Variants in SYT1 observed in about 807,000 individuals in gnomAD.
SYT1 encodes synaptotagmin-1.
A neutral mutation model predicts 44.8 loss-of-function variants in SYT1; 8 were observed. That is an observed-to-expected ratio of 0.18 (90% CI 0.10 to 0.32). The LOEUF (loss-of-function observed/expected upper bound fraction) is 0.32, where lower values mean the gene tolerates loss of function less well. SYT1 is among the 10% of genes least tolerant of loss of function. SYT1 has a pLI of 1.00. For synonymous variants in SYT1, 154 were observed against 188.8 expected, an observed-to-expected ratio of 0.82 and a Z score of 1.51; for missense variants, 286 against 509.3, an observed-to-expected ratio of 0.56 and a Z score of 4.22.
intron 3 of SYT1, among the ~76,000 whole-genome samples, chr12:79,130,928 T>C: frequency 6.6e-6 from 1 of 152,068 alleles, no homozygotes; most frequent in East Asian, 1.9e-4. Context: ...ACTATAATAG[T>C]GATATTCAAT....
chr12:79,136,476 G>GC (rs1479039195), intron 3 of SYT1, among the ~76,000 whole-genome samples: 3 of 152,110 alleles, frequency 2.0e-5, no homozygotes, highest in Non-Finnish European at 4.4e-5. Flanking sequence ...AATCCCATAC[G>GC]CATGTGCTGG....
rs372100344 is a variant in SYT1, at chr12:79,292,140, G to A, written c.474+10G>A. The A allele has an allele frequency of 9.3e-6, 15 of 1,607,294 alleles. No individual in the cohort carries two copies. The African/African-American group carries it at 1.3e-4, about 14-fold the overall frequency. On this transcript the variant is annotated intron_variant, in intron 6 of 10. Coordinates refer to ENST00000261205, the MANE Select transcript of SYT1 (RefSeq NM_005639.3). ...TTTCCAAAATAACCAGGTCTGAAGTGGAGAAATGTCTTCTAATTCCATTAC... is the reference window on the plus strand; with the variant it reads ...TTTCCAAAATAACCAGGTCTGAAGTAGAGAAATGTCTTCTAATTCCATTAC...
At chr12:78,962,011 G>A (rs1044898173) in intron 1 of SYT1, among the ~76,000 whole-genome samples, 6 of 151,932 alleles carry the variant, frequency 3.9e-5, no homozygotes, top group South Asian at 2.1e-4. Context: ...CGAATGTATC[G>A]GATTATGTTG....
intron 3 of SYT1, among the ~76,000 whole-genome samples, chr12:79,112,323 G>A (rs1020480242): frequency 1.8e-4 from 28 of 152,072 alleles, no homozygotes; most frequent in Non-Finnish European, 3.1e-4. Context: ...TAAAAGCTAC[G>A]ATGTGGAGAC....
intron 1 of SYT1, among the ~76,000 whole-genome samples, chr12:78,953,432 G>A (rs935929353): frequency 6.6e-6 from 1 of 152,042 alleles, no homozygotes; most frequent in Non-Finnish European, 1.5e-5. Flanking sequence ...CCAGCATAGA[G>A]TGTGGCACAT....
chr12:78,952,144 T>C (rs988717335), intron 1 of SYT1, among the ~76,000 whole-genome samples: 15 of 152,122 alleles, frequency 9.9e-5, no homozygotes, highest in African/African-American at 2.9e-4. Context: ...CACGAAATCC[T>C]GGGCCAAAAT....
intron 3 of SYT1, among the ~76,000 whole-genome samples, chr12:79,102,125 T>C (rs1878479133): frequency 6.6e-6 from 1 of 152,110 alleles, no homozygotes; most frequent in Non-Finnish European, 1.5e-5. Context: ...TATCCCTGCT[T>C]ATTGAACTCC....
chr12:79,414,509 T>A (rs1868616795), intron 9 of SYT1, among the ~76,000 whole-genome samples: 1 of 152,186 alleles, frequency 6.6e-6, no homozygotes, highest in Non-Finnish European at 1.5e-5. Context: ...TTTGGCACAC[T>A]CTGTGTAATC....
At chr12:79,026,239 G>T (rs1872522028) in intron 2 of SYT1, among the ~76,000 whole-genome samples, 1 of 151,452 alleles carries the variant, frequency 6.6e-6, no homozygotes, top group Non-Finnish European at 1.5e-5. Context: ...AACTTGTTGG[G>T]CATAGAAATT....
At chr12:79,019,990 A>G (rs1262799673) in intron 2 of SYT1, among the ~76,000 whole-genome samples, 1 of 151,986 alleles carries the variant, frequency 6.6e-6, no homozygotes, top group Non-Finnish European at 1.5e-5. Context: ...AAACAAAAGT[A>G]GTGTCAATTT....
At chr12:78,967,808 T>C (rs1868283902) in intron 1 of SYT1, among the ~76,000 whole-genome samples, 1 of 151,758 alleles carries the variant, frequency 6.6e-6, no homozygotes, top group Non-Finnish European at 1.5e-5. Context: ...TTGGGGGAAA[T>C]TAAACACAGA....
chr12:78,947,332 GA>G (rs1878714601), intron 1 of SYT1, among the ~76,000 whole-genome samples: 1 of 152,064 alleles, frequency 6.6e-6, no homozygotes, highest in Non-Finnish European at 1.5e-5. Flanking sequence ...TTTCCTGAAG[GA>G]AACATCACTC....
intron 3 of SYT1, among the ~76,000 whole-genome samples, chr12:79,096,192 G>A (rs1356033107): frequency 6.6e-6 from 1 of 151,790 alleles, no homozygotes; most frequent in Non-Finnish European, 1.5e-5. Flanking sequence ...CCCTTTTCCT[G>A]TGATTTAATC....
intron 3 of SYT1, among the ~76,000 whole-genome samples, chr12:79,049,746 A>G (rs938853132): frequency 3.9e-5 from 6 of 152,030 alleles, no homozygotes; most frequent in African/African-American, 7.2e-5. Flanking sequence ...TATTGGAATC[A>G]AAACTTTATA....
At chr12:79,052,741 C>G (rs1436176503) in intron 3 of SYT1, among the ~76,000 whole-genome samples, 1 of 150,216 alleles carries the variant, frequency 6.7e-6, no homozygotes, top group Non-Finnish European at 1.5e-5. Context: ...ATGCAGCCAA[C>G]AGACACATGA....
At chr12:79,244,356 T>C (rs1654984841) in intron 4 of SYT1, among the ~76,000 whole-genome samples, 1 of 152,206 alleles carries the variant, frequency 6.6e-6, no homozygotes, top group Admixed American at 6.5e-5. Flanking sequence ...CTTTTTCTCC[T>C]TAGAAACTTT....
At chr12:78,971,222 C>A (rs1868372736) in intron 1 of SYT1, among the ~76,000 whole-genome samples, 1 of 152,138 alleles carries the variant, frequency 6.6e-6, no homozygotes, top group Non-Finnish European at 1.5e-5. Flanking sequence ...TTCAGCAAAT[C>A]TCTAGACTAG....
chr12:79,285,756 A>G (rs1433846151), intron 4 of SYT1, 31 bp from the exon 5 acceptor site: 2 of 1,517,084 alleles, frequency 1.3e-6, no homozygotes, highest in African/African-American at 2.8e-5. Flanking sequence ...TAAGTGTTGT[A>G]TGACTAGTGC....
intron 1 of SYT1, among the ~76,000 whole-genome samples, chr12:78,873,803 A>T (rs73347884): frequency 0.11 from 16,903 of 151,684 alleles, 1,050 homozygotes; most frequent in South Asian, 0.23. Flanking sequence ...CTCTAAGTGA[A>T]CATATCCAAA....
Sources: allele counts gnomAD v4.1 joint callset (sites outside exome capture counted in the v4.1 genomes callset), GRCh38; gene constraint gnomAD v4.1.1; transcripts MANE v1.5; gene names NCBI Gene and HGNC (gene_info 2026-07-23, HGNC 2026-07-21).